Variants in SH3PXD2A observed in about 807,000 individuals in gnomAD.
The protein encoded by SH3PXD2A is SH3 and PX domain-containing protein 2A.
In SH3PXD2A, 32 loss-of-function variants were observed where a neutral mutation model predicts 115.2. That is an observed-to-expected ratio of 0.28 (90% CI 0.21 to 0.37). SH3PXD2A has a LOEUF of 0.37. Ranked by LOEUF, SH3PXD2A falls within the 10% of genes least tolerant of loss-of-function variation. SH3PXD2A has a pLI of 1.00. For synonymous variants in SH3PXD2A, 610 were observed against 629.1 expected (o/e 0.97, Z 0.45); for missense variants, 1,328 against 1,498.7 (o/e 0.89, Z 1.88).
chr10:103,641,417 G>C (rs975285676), intron 8 of SH3PXD2A, among the ~76,000 whole-genome samples: 3 of 152,114 alleles, frequency 2.0e-5, no homozygotes, highest in African/African-American at 7.2e-5. Context: ...GGCTGCCTTA[G>C]GAAACTCAGA....
intron 6 of SH3PXD2A, among the ~76,000 whole-genome samples, chr10:103,683,548 C>T (rs1463267110): frequency 6.6e-6 from 1 of 152,072 alleles, no homozygotes; most frequent in East Asian, 1.9e-4. Flanking sequence ...AGTGGTTCCA[C>T]CTACTTGGGA....
At chr10:103,835,655 G>A (rs1353573759) in intron 1 of SH3PXD2A, among the ~76,000 whole-genome samples, 1 of 152,138 alleles carries the variant, frequency 6.6e-6, no homozygotes, top group Non-Finnish European at 1.5e-5. Context: ...GGACGTCCTG[G>A]TCTTTTGGCC....
chr10:103,741,517 G>A (rs908332470), intron 3 of SH3PXD2A, among the ~76,000 whole-genome samples: 13 of 152,136 alleles, frequency 8.5e-5, no homozygotes, highest in African/African-American at 3.1e-4. Flanking sequence ...TCTTCTCAAG[G>A]GGATCCCTGA....
At chr10:103,671,760 G>C (rs1242448431) in intron 6 of SH3PXD2A, among the ~76,000 whole-genome samples, 1 of 152,214 alleles carries the variant, frequency 6.6e-6, no homozygotes, top group Non-Finnish European at 1.5e-5. Flanking sequence ...CAGGGGTGAA[G>C]GAGCAGTGGG....
At chr10:103,688,070 C>T (rs1592302022) in intron 6 of SH3PXD2A, among the ~76,000 whole-genome samples, 1 of 152,310 alleles carries the variant, frequency 6.6e-6, no homozygotes, top group Non-Finnish European at 1.5e-5. Flanking sequence ...TTCCTATAGC[C>T]TCGACACCTT....
Position 103,762,508 on chromosome 10 carries a change from C to T in SH3PXD2A, c.229+4586G>A, listed in dbSNP as rs541400974. ...GGGGGGCTCCCTTTCCTTCCCTCTA[C>T]CCCTTGCCCCCACCACCACTCTTCA... On this transcript the variant is annotated intron_variant, in intron 3 of 14. Coordinates refer to ENST00000369774, the MANE Select transcript of SH3PXD2A (RefSeq NM_001394015.1). Among the ~76,000 whole-genome samples the T allele has an allele frequency of 1.0e-3, 157 of 152,318 alleles. 1 individual carries two copies. Among genetic ancestry groups the T allele is most frequent in the South Asian group, 9.1e-3 (44 of 4,830 alleles).
At chr10:103,789,938 A>C (rs888601623) in intron 2 of SH3PXD2A, among the ~76,000 whole-genome samples, 1 of 152,108 alleles carries the variant, frequency 6.6e-6, no homozygotes, top group Admixed American at 6.5e-5. Context: ...GAGGCAGGTG[A>C]CGGTGTGCAG....
rs114969392 is a variant in SH3PXD2A, at chr10:103,818,485, G to A, written c.73-17123C>T. Among the ~76,000 whole-genome samples the A allele has an allele frequency of 5.8e-3, 882 of 152,264 alleles. 11 individuals are homozygous for A. Among genetic ancestry groups the A allele is most frequent in the African/African-American group, 0.017 (700 of 41,546 alleles). ...CCCAGGCTCAGCAACAAAGAAACCG[G>A]CTCTTTAACACTGAGAATTGGAAAG... On this transcript the variant is annotated intron_variant, in intron 1 of 14. Coordinates refer to ENST00000369774, the MANE Select transcript of SH3PXD2A (RefSeq NM_001394015.1).
At chr10:103,615,774 A>C (rs1220692814) in intron 11 of SH3PXD2A, among the ~76,000 whole-genome samples, 1 of 152,052 alleles carries the variant, frequency 6.6e-6, no homozygotes, top group East Asian at 1.9e-4. Context: ...ATAATAAAGC[A>C]GCCTTGTAGA....
chr10:103,657,514 T>C (rs2037229104), intron 8 of SH3PXD2A, among the ~76,000 whole-genome samples: 2 of 152,256 alleles, frequency 1.3e-5, no homozygotes, highest in Admixed American at 1.3e-4. Context: ...CTGGTATGGC[T>C]TGCTGGGTGG....
intron 2 of SH3PXD2A, among the ~76,000 whole-genome samples, chr10:103,787,555 G>A (rs1468007840): frequency 1.3e-5 from 2 of 152,134 alleles, no homozygotes; most frequent in African/African-American, 2.4e-5. Flanking sequence ...CTCCTCAAAG[G>A]TTCCAAGATG....
At chr10:103,638,488 G>T (rs1692575344) in intron 8 of SH3PXD2A, among the ~76,000 whole-genome samples, 1 of 152,250 alleles carries the variant, frequency 6.6e-6, no homozygotes, top group Admixed American at 6.5e-5. Context: ...TGACTAACAA[G>T]CAACGCAGGC....
chr10:103,842,446 T>C (rs1386827338), intron 1 of SH3PXD2A, among the ~76,000 whole-genome samples: 2 of 152,192 alleles, frequency 1.3e-5, no homozygotes, highest in Non-Finnish European at 2.9e-5. Context: ...ATGCAATAGA[T>C]TATTGTTAAC....
intron 6 of SH3PXD2A, among the ~76,000 whole-genome samples, chr10:103,684,886 G>A (rs1191700321): frequency 6.6e-6 from 1 of 151,912 alleles, no homozygotes; most frequent in Admixed American, 6.6e-5. Flanking sequence ...TGGACGTGGT[G>A]GTGCATGTCT....
intron 1 of SH3PXD2A, among the ~76,000 whole-genome samples, chr10:103,841,576 G>A (rs945817216): frequency 2.0e-5 from 3 of 152,156 alleles, no homozygotes; most frequent in African/African-American, 7.2e-5. Context: ...CTGCTGAGCA[G>A]AGCATGCTGT....
intron 3 of SH3PXD2A, among the ~76,000 whole-genome samples, chr10:103,751,799 G>C (rs1372423870): frequency 3.3e-5 from 5 of 152,158 alleles, no homozygotes; most frequent in Non-Finnish European, 5.9e-5. Flanking sequence ...TCCAGAAAGA[G>C]AGAGGGTTTC....
chr10:103,621,822 G>A (rs1036025443), intron 10 of SH3PXD2A, among the ~76,000 whole-genome samples: 1 of 152,224 alleles, frequency 6.6e-6, no homozygotes, highest in African/African-American at 2.4e-5. Context: ...GGCCTGGGGG[G>A]CTCCCTGGAC....
intron 2 of SH3PXD2A, among the ~76,000 whole-genome samples, chr10:103,774,275 T>C (rs2038857799): frequency 6.6e-6 from 1 of 152,250 alleles, no homozygotes; most frequent in South Asian, 2.1e-4. Flanking sequence ...GTTATACGGA[T>C]TGGATCATTT....
chr10:103,845,266 C>T lies in SH3PXD2A; in HGVS notation c.72+9929G>A, dbSNP rs144507342. Among the ~76,000 whole-genome samples, 897 of 141,670 alleles carry T rather than the reference C, an allele frequency of 6.3e-3. 8 individuals are homozygous for T. The highest frequency in any genetic ancestry group is 0.022 in the African/African-American group (840 of 38,024). The allele number at this position is 141,670 out of a possible 152,430, so 92.9% of individuals were successfully genotyped here. A position where few individuals can be genotyped will look rare whatever the true frequency, so the allele number is the denominator to read the frequency against. On this transcript the variant is annotated intron_variant, in intron 1 of 14. Coordinates refer to ENST00000369774, the MANE Select transcript of SH3PXD2A (RefSeq NM_001394015.1). The stretch of plus-strand genomic sequence containing the variant: ...GAATCACTTGAACCCAGGAAGTGGA[C>T]GTTGCAGTGAGCCAAGATTGCGCCT...
Sources: gnomAD v4.1 joint callset for allele counts (sites outside exome capture counted in the v4.1 genomes callset) on GRCh38, gnomAD v4.1.1 for gene constraint, MANE v1.5 for transcripts, NCBI Gene and HGNC (gene_info 2026-07-23, HGNC 2026-07-21) for gene names.